IGFBP7: variants seen among roughly 807,000 people sequenced by gnomAD.
The protein encoded by IGFBP7 is insulin-like growth factor-binding protein 7.
A neutral mutation model predicts 29.4 loss-of-function variants in IGFBP7; 31 were observed. The ratio of observed to expected loss-of-function variants is 1.05; its 90% CI spans 0.79 to 1.42. IGFBP7 has a LOEUF of 1.42. Among genes scored for constraint, IGFBP7 ranks in the 40% most tolerant of loss-of-function variants. The probability of loss-of-function intolerance (pLI) is 0.00; values close to 1 mark genes in which losing one functional copy is unlikely to be tolerated. For synonymous variants in IGFBP7, 172 were observed against 174.9 expected, an observed-to-expected ratio of 0.98 and a Z score of 0.13; for missense variants, 393 against 395.5, an observed-to-expected ratio of 0.99 and a Z score of 0.05.
chr4:57,045,637 C>T (rs1431436370), intron 1 of IGFBP7, among the ~76,000 whole-genome samples: 4 of 152,062 alleles, frequency 2.6e-5, no homozygotes, highest in Non-Finnish European at 5.9e-5. Context: ...AGAGCTGATA[C>T]CCAGTAGGAT....
chr4:57,106,748 T>A (rs6554417), intron 1 of IGFBP7, among the ~76,000 whole-genome samples: 148,938 of 152,306 alleles, frequency 0.98, 72,903 homozygotes, highest in East Asian at 1. Context: ...TTAAAAGACT[T>A]TGAACAAAAG....
chr4:57,076,344 C>G (rs1419258629), intron 1 of IGFBP7, among the ~76,000 whole-genome samples: 2 of 152,190 alleles, frequency 1.3e-5, no homozygotes, highest in Admixed American at 6.5e-5. Flanking sequence ...CCAAGGAATT[C>G]TTGCTCAAAG....
At chr4:57,044,597 A>G (rs1724313647) in intron 1 of IGFBP7, among the ~76,000 whole-genome samples, 1 of 152,166 alleles carries the variant, frequency 6.6e-6, no homozygotes, top group African/African-American at 2.4e-5. Context: ...CTTCAGCACC[A>G]TTTGTTGAAA....
rs764834917 is a variant in IGFBP7 at position 57,110,005 on chromosome 4, C to T, written c.347G>A (p.Arg116His). 39 of 1,547,492 alleles carry T rather than the reference C, an allele frequency of 2.5e-5. No individual in the cohort carries two copies. The highest frequency in any genetic ancestry group is 6.8e-5 in the African/African-American group (5 of 73,478). ...GVSGVCVCKS[R>H]YPVCGSDGTT... Reference sequence around the variant, plus strand: ...GCCGTCGCTGCCGCACACCGGGTAGCGGCTCTTGCACACGCACACGCCGCT... The same window carrying T: ...GCCGTCGCTGCCGCACACCGGGTAGTGGCTCTTGCACACGCACACGCCGCT... The change falls in exon 1 of 5, where the codon CGC (arginine) becomes CAC (histidine). Residue 116 changes from arginine to histidine, a missense_variant. Coordinates refer to ENST00000295666, the MANE Select transcript of IGFBP7 (RefSeq NM_001553.3).
At chr4:57,058,228 G>T (rs967044112) in intron 1 of IGFBP7, among the ~76,000 whole-genome samples, 1 of 152,208 alleles carries the variant, frequency 6.6e-6, no homozygotes. Flanking sequence ...GATGATTAAA[G>T]AACAGATCTT....
In IGFBP7 at chr4:57,059,710, A is replaced by G. The variant is rs376123048; in HGVS notation, c.476-18777T>C. Among the ~76,000 whole-genome samples, 37 of 152,296 alleles carry G rather than the reference A, an allele frequency of 2.4e-4. No individual in the cohort carries two copies. In the East Asian group the frequency reaches 6.4e-3, roughly 26 times the overall value. On this transcript the variant is annotated intron_variant, in intron 1 of 4. Transcript: ENST00000295666. ...AAACCTCCATGACACGAGTTTACCT[A>G]TGTAACAAACCTGCACATGTACCCC...
intron 1 of IGFBP7, among the ~76,000 whole-genome samples, chr4:57,105,196 C>T (rs1007519773): frequency 9.9e-5 from 15 of 152,206 alleles, no homozygotes; most frequent in African/African-American, 3.6e-4. Flanking sequence ...GCTCTACTCA[C>T]CTCACTTAAT....
intron 1 of IGFBP7, among the ~76,000 whole-genome samples, chr4:57,041,638 C>T (rs1044122456): frequency 6.6e-5 from 10 of 152,150 alleles, no homozygotes; most frequent in African/African-American, 2.2e-4. Flanking sequence ...TGGTCTCCAG[C>T]GATCCTCCCA....
chr4:57,092,219 C>T (rs1365447372), intron 1 of IGFBP7, among the ~76,000 whole-genome samples: 3 of 152,132 alleles, frequency 2.0e-5, no homozygotes, highest in Non-Finnish European at 2.9e-5. Flanking sequence ...TTTTATGAAC[C>T]TCAATTCAAT....
intron 1 of IGFBP7, among the ~76,000 whole-genome samples, chr4:57,055,561 G>A (rs1713962): frequency 0.83 from 126,648 of 151,872 alleles, 53,166 homozygotes; most frequent in East Asian, 0.94. Context: ...AATCCAGTGG[G>A]CTGGTTCTGG....
At chr4:57,093,582 A>C (rs1419379557) in intron 1 of IGFBP7, among the ~76,000 whole-genome samples, 1 of 152,124 alleles carries the variant, frequency 6.6e-6, no homozygotes, top group African/African-American at 2.4e-5. Flanking sequence ...ACTAACTGCC[A>C]AACAGTATTC....
chr4:57,073,788 A>C (rs1714017), intron 1 of IGFBP7, among the ~76,000 whole-genome samples: 60,842 of 151,664 alleles, frequency 0.4, 13,553 homozygotes, highest in East Asian at 0.56. Context: ...CCACCACCAC[A>C]TCCACGGCCA....
At chr4:57,041,922 GC>G (rs1405016839) in intron 1 of IGFBP7, among the ~76,000 whole-genome samples, 2 of 152,152 alleles carry the variant, frequency 1.3e-5, no homozygotes, top group Non-Finnish European at 2.9e-5. Context: ...AGGAGAGGCA[GC>G]TGGTAAGAAG....
At chr4:57,079,365 C>A (rs1725307426) in intron 1 of IGFBP7, among the ~76,000 whole-genome samples, 2 of 151,836 alleles carry the variant, frequency 1.3e-5, no homozygotes, top group African/African-American at 4.8e-5. Flanking sequence ...GGCTGAGACG[C>A]AAATAGAACC....
At chr4:57,081,432 A>G (rs990610231) in intron 1 of IGFBP7, among the ~76,000 whole-genome samples, 1 of 152,128 alleles carries the variant, frequency 6.6e-6, no homozygotes, top group African/African-American at 2.4e-5. Context: ...CCCCTCAGAA[A>G]GGAAAACATT....
chr4:57,071,003 T>C (rs1578631915), intron 1 of IGFBP7, among the ~76,000 whole-genome samples: 1 of 152,174 alleles, frequency 6.6e-6, no homozygotes, highest in Non-Finnish European at 1.5e-5. Flanking sequence ...GCACACTACT[T>C]CATATTTCTT....
At chr4:57,103,397 C>T (rs1040629900) in intron 1 of IGFBP7, among the ~76,000 whole-genome samples, 1 of 152,184 alleles carries the variant, frequency 6.6e-6, no homozygotes, top group Non-Finnish European at 1.5e-5. Flanking sequence ...CCTCCTTCTC[C>T]CTAGGCAGTC....
chr4:57,051,566 C>G (rs1724502477), intron 1 of IGFBP7, among the ~76,000 whole-genome samples: 1 of 152,210 alleles, frequency 6.6e-6, no homozygotes, highest in Non-Finnish European at 1.5e-5. Context: ...ACTGCTTCCT[C>G]TTCTCTAAAT....
chr4:57,072,918 C>T, intron 1 of IGFBP7: 1 of 728,742 alleles, frequency 1.4e-6, no homozygotes, highest in Admixed American at 1.8e-5. Flanking sequence ...AACATGGACA[C>T]CCAGGGTAAT....
Sources: allele counts gnomAD v4.1 joint callset (sites outside exome capture counted in the v4.1 genomes callset), GRCh38; gene constraint gnomAD v4.1.1; transcripts MANE v1.5; gene names NCBI Gene and HGNC (gene_info 2026-07-23, HGNC 2026-07-21).